The following C2CD3 variants were observed in gnomAD, a reference collection of about 807,000 sequenced individuals.
C2CD3 encodes C2 domain containing 3 centriole elongation regulator.
Under a neutral mutation model 234.0 loss-of-function variants are expected in C2CD3, and 148 were observed. That is an observed-to-expected ratio of 0.63 (90% CI 0.55 to 0.72). C2CD3 has a LOEUF of 0.72. C2CD3 is among the 30% of genes least tolerant of loss of function. C2CD3 has a pLI of 0.00. For missense variants in C2CD3, 2,577 were observed against 2,811.5 expected (o/e 0.92, Z 1.89); for synonymous variants, 1,000 against 1,035.4 (o/e 0.97, Z 0.66).
chr11:74,136,015 T>C (rs1250952143), intron 5 of C2CD3, among the ~76,000 whole-genome samples: 1 of 152,054 alleles, frequency 6.6e-6, no homozygotes, highest in African/African-American at 2.4e-5. Flanking sequence ...TTGGGTGCTA[T>C]GCTCAGTACC....
intron 30 of C2CD3, among the ~76,000 whole-genome samples, chr11:74,035,360 GC>G (rs1952688302): frequency 6.6e-6 from 1 of 152,178 alleles, no homozygotes; most frequent in South Asian, 2.1e-4. Context: ...TTATAAACTT[GC>G]CCAGCCTTCA....
Position 74,057,561 on chromosome 11 carries a change from T to A in C2CD3, c.4952-17A>T, listed in dbSNP as rs1193875496. 9.9e-6 allele frequency: 16 copies of A among 1,613,938 alleles called. No homozygotes were observed. Among genetic ancestry groups the A allele is most frequent in the Non-Finnish European group, 1.4e-5 (16 of 1,179,854 alleles). On this transcript the variant is annotated splice_polypyrimidine_tract_variant and intron_variant, in intron 24 of 32. Transcript: ENST00000334126. ...AGGGGCTCCCTGAAATAGAATAAAG[T>A]GCAGTGACTGTACTTTAGGGTACAC... is the stretch of plus-strand genomic sequence containing the variant.
chr11:74,067,721 C>T (rs528165140), intron 24 of C2CD3, among the ~76,000 whole-genome samples: 3 of 152,184 alleles, frequency 2.0e-5, no homozygotes, highest in South Asian at 4.2e-4. Flanking sequence ...AGTATTTATG[C>T]GGATTGACTT....
At chr11:74,032,213 C>T (rs1466897334) in intron 31 of C2CD3, among the ~76,000 whole-genome samples, 1 of 152,188 alleles carries the variant, frequency 6.6e-6, no homozygotes, top group Non-Finnish European at 1.5e-5. Context: ...AAAGATTAAA[C>T]TATATGTCTA....
intron 3 of C2CD3, among the ~76,000 whole-genome samples, chr11:74,159,526 T>C (rs1379191764): frequency 6.6e-6 from 1 of 152,028 alleles, no homozygotes; most frequent in Non-Finnish European, 1.5e-5. Context: ...GTCTAAGTTT[T>C]TAACAAAAAT....
chr11:74,056,328 T>C (rs980502651), intron 25 of C2CD3, among the ~76,000 whole-genome samples: 1 of 152,218 alleles, frequency 6.6e-6, no homozygotes, highest in African/African-American at 2.4e-5. Context: ...TTTAATAAAG[T>C]TTAATTCATG....
intron 3 of C2CD3, among the ~76,000 whole-genome samples, chr11:74,153,235 CA>C (rs1855790779): frequency 6.6e-6 from 1 of 151,452 alleles, no homozygotes; most frequent in Non-Finnish European, 1.5e-5. Flanking sequence ...CAAAACAAAA[CA>C]AAACAAAACA....
Position 74,170,937 on chromosome 11 carries a change from C to T in C2CD3, c.-145G>A. 6.7e-7 allele frequency: 1 copy of T among 1,503,284 alleles called. No individual in the cohort carries two copies. Among genetic ancestry groups the T allele is most frequent in the Non-Finnish European group, 8.8e-7 (1 of 1,130,644 alleles). 93.1% of individuals were successfully genotyped at this position (1,503,284 alleles called of 1,614,324 possible). On this transcript the variant is annotated 5_prime_UTR_variant, in exon 1 of 33. Transcript: ENST00000334126. Reference sequence around the variant, plus strand: ...GGGAGGCAGGAAAAAGCGACTCTTCCTCTAACAGTCTCCGGAAAACGGTGC... The same window carrying T: ...GGGAGGCAGGAAAAAGCGACTCTTCTTCTAACAGTCTCCGGAAAACGGTGC...
At chr11:74,146,747 C>CACACACACACACACATAT (rs58129019) in intron 3 of C2CD3, among the ~76,000 whole-genome samples, 1 of 144,004 alleles carries the variant, frequency 6.9e-6, no homozygotes, top group Admixed American at 7.0e-5. Flanking sequence ...CACACACACA[C>CACACACACACACACATAT]AATTAACATA....
intron 19 of C2CD3, 61 bp downstream of exon 19, chr11:74,092,355 A>C: frequency 3.4e-6 from 5 of 1,473,198 alleles, no homozygotes; most frequent in Non-Finnish European, 3.8e-6. Context: ...GCACCCGGCT[A>C]TTTTATATAT....
chr11:74,036,982 T>C (rs1157044157), intron 30 of C2CD3, among the ~76,000 whole-genome samples: 1 of 152,152 alleles, frequency 6.6e-6, no homozygotes, highest in East Asian at 1.9e-4. Context: ...CCAAAGGGGT[T>C]TTTCAAAGGG....
At chr11:74,090,682 T>C in intron 20 of C2CD3, 131 bp downstream of exon 20, 1 of 993,544 alleles carries the variant, frequency 1.0e-6, no homozygotes, top group Non-Finnish European at 1.5e-6. Flanking sequence ...AAATGCTTTA[T>C]TAACAGAAAA....
At chr11:74,050,924 G>A (rs1175222317) in intron 26 of C2CD3, among the ~76,000 whole-genome samples, 1 of 151,346 alleles carries the variant, frequency 6.6e-6, no homozygotes, top group Non-Finnish European at 1.5e-5. Flanking sequence ...GGCTTTGACT[G>A]GAAAACATAT....
intron 8 of C2CD3, 28 bp from the exon 9 acceptor site, chr11:74,118,410 A>G: frequency 1.3e-6 from 2 of 1,589,724 alleles, no homozygotes; most frequent in Non-Finnish European, 1.7e-6. Flanking sequence ...CAGAGACACT[A>G]AATGACTGCT....
chr11:74,094,921 T>C (rs1015169645), intron 17 of C2CD3, among the ~76,000 whole-genome samples: 13 of 152,232 alleles, frequency 8.5e-5, no homozygotes, highest in Admixed American at 6.5e-4. Context: ...ACTATGTGTA[T>C]AGATAAGAGT....
At chr11:74,036,446 G>C (rs773522977) in intron 30 of C2CD3, 7 of 455,920 alleles carry the variant, frequency 1.5e-5, no homozygotes, top group Non-Finnish European at 3.1e-5. Flanking sequence ...CAAACACAGA[G>C]CATTTATCTG....
rs748228797 is a variant in C2CD3 at position 74,118,332 on chromosome 11, G to C, written c.1416C>G (p.Val472=). The C allele has an allele frequency of 6.2e-7, 1 of 1,612,680 alleles. No homozygotes were observed. Among genetic ancestry groups the C allele is most frequent in the Admixed American group, 1.7e-5 (1 of 60,000 alleles). ...SDFLSEEDDI[V]PSKKISQSTA... Reference sequence around the variant, plus strand: ...TTGACTGGCTTATTTTTTTAGAAGGGACGATATCATCCTCTTCACTGAGGA... The same window carrying C: ...TTGACTGGCTTATTTTTTTAGAAGGCACGATATCATCCTCTTCACTGAGGA... The change falls in exon 9 of 33, where the codon GTC becomes GTG. Residue 472 remains valine (V), a synonymous_variant. Transcript: ENST00000334126.
At chr11:74,021,204 A>G (rs756471022) in intron 32 of C2CD3, among the ~76,000 whole-genome samples, 21 of 152,070 alleles carry the variant, frequency 1.4e-4, no homozygotes, top group Non-Finnish European at 2.8e-4. Flanking sequence ...AGATCATGCC[A>G]CTGCACTCCA....
At chr11:74,165,162 T>C (rs1856722763) in intron 2 of C2CD3, among the ~76,000 whole-genome samples, 1 of 152,224 alleles carries the variant, frequency 6.6e-6, no homozygotes, top group Admixed American at 6.5e-5. Flanking sequence ...ATTTCAAAAA[T>C]TGTAAAATGT....
Sources: gnomAD v4.1 joint callset for allele counts (sites outside exome capture counted in the v4.1 genomes callset) on GRCh38, gnomAD v4.1.1 for gene constraint, MANE v1.5 for transcripts, NCBI Gene and HGNC (gene_info 2026-07-23, HGNC 2026-07-21) for gene names.